TRPM8: variants seen among roughly 807,000 people sequenced by gnomAD.
TRPM8 encodes the protein transient receptor potential cation channel subfamily M member 8.
In TRPM8, 110 loss-of-function variants were observed where a neutral mutation model predicts 133.7. The ratio of observed to expected loss-of-function variants is 0.82; its 90% confidence interval spans 0.70 to 0.96. TRPM8 has a LOEUF of 0.96. Ranked by LOEUF, TRPM8 falls within the 40% of genes least tolerant of loss-of-function variation. TRPM8 has a pLI of 0.00. For synonymous variants in TRPM8, 535 were observed against 532.3 expected, an observed-to-expected ratio of 1.01 and a Z score of -0.07; for missense variants, 1,291 against 1,379.5, an observed-to-expected ratio of 0.94 and a Z score of 1.02.
At chr2:233,962,384 A>G (rs1470636344) in intron 12 of TRPM8, among the ~76,000 whole-genome samples, 2 of 152,158 alleles carry the variant, frequency 1.3e-5, no homozygotes, top group Non-Finnish European at 2.9e-5. Flanking sequence ...CTAGTTATCC[A>G]CCAAGAGAAT....
At chr2:233,934,015 T>C (rs1486176648) in intron 3 of TRPM8, 2 of 167,106 alleles carry the variant, frequency 1.2e-5, no homozygotes, top group African/African-American at 4.8e-5. Flanking sequence ...CGTTATAGCT[T>C]TAGAAAATAT....
intron 3 of TRPM8, among the ~76,000 whole-genome samples, chr2:233,935,194 CAG>C (rs1174517214): frequency 2.0e-5 from 3 of 152,152 alleles, no homozygotes; most frequent in African/African-American, 7.2e-5. Context: ...AACATGGGGA[CAG>C]AGAATATAAG....
intron 3 of TRPM8, among the ~76,000 whole-genome samples, chr2:233,934,998 A>G (rs1691761033): frequency 6.6e-6 from 1 of 152,244 alleles, no homozygotes; most frequent in Admixed American, 6.5e-5. Flanking sequence ...AGATCTTGAA[A>G]ACACAGCCTT....
chr2:233,986,347 G>T lies in TRPM8; in HGVS notation c.2939+482G>T, dbSNP rs28902210. On this transcript the variant is annotated intron_variant, in intron 21 of 25. Transcript: ENST00000324695. ...GACTGGAGAGTGACTCTCCTTTAGG[G>T]CTCATGCCTGATGAGGTTGGAGGGA... is the stretch of plus-strand genomic sequence containing the variant. Among the ~76,000 whole-genome samples the T allele has an allele frequency of 7.5e-3, 1,139 of 152,334 alleles. 17 individuals carry two copies. Among genetic ancestry groups the T allele is most frequent in the African/African-American group, 0.026 (1,083 of 41,570 alleles).
chr2:233,927,924 TTCTCTCTCTCTC>T (rs1178731456), intron 2 of TRPM8, among the ~76,000 whole-genome samples: 905 of 27,914 alleles, frequency 0.032, 93 homozygotes, highest in African/African-American at 0.062. Flanking sequence ...CTCTCTCTCT[TTCTCTCTCTCTC>T]TCTCTCTCTC....
chr2:233,974,555 T>G (rs915439365), intron 17 of TRPM8, among the ~76,000 whole-genome samples: 2 of 152,128 alleles, frequency 1.3e-5, no homozygotes, highest in African/African-American at 2.4e-5. Context: ...GACTGGTCTG[T>G]GGAAATTTTT....
intron 7 of TRPM8, 69 bp downstream of exon 7, chr2:233,946,099 C>T (rs1486073672): frequency 1.4e-6 from 2 of 1,459,738 alleles, no homozygotes; most frequent in Non-Finnish European, 1.9e-6. Context: ...CAACAACAAT[C>T]ACTACCAACT....
At chr2:233,941,007 G>A (rs901168761) in intron 5 of TRPM8, among the ~76,000 whole-genome samples, 2 of 152,172 alleles carry the variant, frequency 1.3e-5, no homozygotes, top group African/African-American at 4.8e-5. Flanking sequence ...ATCTGAGGGA[G>A]GAGTTTTGGC....
Position 233,990,206 on chromosome 2 carries a change from G to A in TRPM8, c.2939+4341G>A, listed in dbSNP as rs553051302. Among the ~76,000 whole-genome samples the A allele has an allele frequency of 5.3e-5, 8 of 152,350 alleles. 1 individual carries two copies. The highest frequency in any genetic ancestry group is 2.6e-4 in the Admixed American group (4 of 15,302). On this transcript the variant is annotated intron_variant, in intron 21 of 25. Transcript: ENST00000324695. ...GGCACAGGTTCAAGTGCTTTACAGG[G>A]GTCGCCTCATTTAATTATTACTCAT...
At chr2:233,973,927 C>T (rs958773697) in intron 17 of TRPM8, among the ~76,000 whole-genome samples, 4 of 152,236 alleles carry the variant, frequency 2.6e-5, no homozygotes, top group Non-Finnish European at 5.9e-5. Flanking sequence ...TGAGGCCCTG[C>T]GTTTTCCCTT....
At chr2:233,926,921 C>T (rs1178626345) in intron 2 of TRPM8, among the ~76,000 whole-genome samples, 1 of 152,152 alleles carries the variant, frequency 6.6e-6, no homozygotes, top group Non-Finnish European at 1.5e-5. Context: ...CACTGTCTCT[C>T]CTGGTTCCAG....
chr2:233,990,301 T>G (rs1483446761), intron 21 of TRPM8, among the ~76,000 whole-genome samples: 2 of 152,094 alleles, frequency 1.3e-5, no homozygotes, highest in Admixed American at 1.3e-4. Flanking sequence ...AATTTGAAAG[T>G]GAGTCAAAAG....
chr2:233,975,739 G>A (rs1471606177), intron 17 of TRPM8, among the ~76,000 whole-genome samples: 2 of 152,132 alleles, frequency 1.3e-5, no homozygotes, highest in African/African-American at 4.8e-5. Context: ...AAAATTAGCC[G>A]GGCATGGTGG....
Position 233,955,228 on chromosome 2 carries a change from T to G in TRPM8, c.1340T>G (p.Phe447Cys), listed in dbSNP as rs1203061864. 6.2e-7 allele frequency: 1 copy of G among 1,613,990 alleles called. No homozygotes were observed. Among genetic ancestry groups the G allele is most frequent in the African/African-American group, 1.3e-5 (1 of 74,924 alleles). ...CTGGACTTAGCCAATGATGAGATTT[T>G]CACCAATGACCGCCGATGGGAGGTA... ...NQLDLANDEI[F>C]TNDRRWESAD... The change falls in exon 11 of 26, where the codon TTC (phenylalanine) becomes TGC (cysteine). Residue 447 changes from phenylalanine (F) to cysteine (C), a missense_variant. Around this residue, in one of 2 missense-constraint regions of TRPM8, gnomAD observed 963 missense variants for 968.9 expected, o/e 0.99. Coordinates refer to ENST00000324695, the MANE Select transcript of TRPM8 (RefSeq NM_024080.5).
chr2:233,956,327 G>GT (rs577200188), intron 11 of TRPM8, among the ~76,000 whole-genome samples: 9 of 151,852 alleles, frequency 5.9e-5, no homozygotes, highest in East Asian at 5.8e-4. Flanking sequence ...AATAAAAAGT[G>GT]TTTTTTTTCT....
At chr2:233,975,695 A>G (rs933250856) in intron 17 of TRPM8, among the ~76,000 whole-genome samples, 1 of 152,232 alleles carries the variant, frequency 6.6e-6, no homozygotes, top group Admixed American at 6.5e-5. Flanking sequence ...AGCCTGGCCA[A>G]CATGGCAAAA....
At position 233,921,641 on chromosome 2, in the gene TRPM8, TTTTTTTCTTTTTC is replaced by T. The variant is rs1250214871; in HGVS notation, c.-6+4227_-6+4239del. Among the ~76,000 whole-genome samples, 241 of 150,990 alleles carry T rather than the reference TTTTTTTCTTTTTC, an allele frequency of 1.6e-3. 1 individual carries two copies. The highest frequency in any genetic ancestry group is 4.3e-3 in the Admixed American group (65 of 15,192). ...AAACACATTTTCTTTTTTCTTTTCT[TTTTTTTCTTTTTC>T]TTTTTTCTTTTTCTTTTCTTTTCTT... On this transcript the variant is annotated intron_variant, in intron 1 of 25. Transcript: ENST00000324695.
chr2:234,006,046 TC>T (rs1427642588), intron 22 of TRPM8, among the ~76,000 whole-genome samples: 1 of 152,040 alleles, frequency 6.6e-6, no homozygotes, highest in Non-Finnish European at 1.5e-5. Flanking sequence ...TCCAGAGAAA[TC>T]TTATAATTAT....
intron 8 of TRPM8, chr2:233,947,467 G>C: frequency 7.3e-7 from 1 of 1,362,040 alleles, no homozygotes; most frequent in East Asian, 4.3e-5. Flanking sequence ...ATATTAGAAA[G>C]CTATGGCCAA....
Sources: gnomAD v4.1 joint callset for allele counts (sites outside exome capture counted in the v4.1 genomes callset) on GRCh38, gnomAD v4.1.1 for gene constraint, gnomAD v4.1.1 regional missense constraint, MANE v1.5 for transcripts, NCBI Gene and HGNC (gene_info 2026-07-23, HGNC 2026-07-21) for gene names.